ATXN10: variants seen among roughly 807,000 people sequenced by gnomAD.
The protein encoded by ATXN10 is ataxin-10.
Under a neutral mutation model 52.9 loss-of-function variants are expected in ATXN10, and 28 were observed. The observed-to-expected ratio is 0.53, with a 90% CI of 0.39 to 0.73. The LOEUF (loss-of-function observed/expected upper bound fraction) is 0.73. ATXN10 is among the 30% of genes least tolerant of loss of function. ATXN10 has a pLI of 0.00. For synonymous variants in ATXN10, 226 were observed against 221.5 expected (o/e 1.02, Z -0.18); for missense variants, 565 against 577.0 (o/e 0.98, Z 0.21).
In ATXN10 at chr22:45,762,805, C is replaced by A. The variant is rs1926445075; in HGVS notation, c.1173+22267C>A. ...AGCCCCCACTGACAGATGCCTTCCC[C>A]CTGTGTTTTGGCTCCAAATTCCAAG... On this transcript the variant is annotated intron_variant, in intron 9 of 11. Coordinates refer to ENST00000252934, the MANE Select transcript of ATXN10 (RefSeq NM_013236.4). The surrounding 1 kb of genome is among the most constrained non-coding windows in gnomAD (Gnocchi z 4.3). Among the ~76,000 whole-genome samples, 1 of 152,184 alleles carries A rather than the reference C, an allele frequency of 6.6e-6. No homozygotes were observed. The highest frequency in any genetic ancestry group is 6.5e-5 in the Admixed American group (1 of 15,280).
In ATXN10 at chr22:45,823,826, G is replaced by T. The variant is rs986635421; in HGVS notation, c.1237+16804G>T. On this transcript the variant is annotated intron_variant, in intron 10 of 11. Coordinates refer to ENST00000252934, the MANE Select transcript of ATXN10 (RefSeq NM_013236.4). This position sits in a 1 kb window ranked among gnomAD's most constrained non-coding sequence, Gnocchi z 4.9. Reference sequence around the variant, plus strand: ...GTTGATCAAAAAAGAGACACTGTGTGCTCCCATGAAGGTTTCAGTATGGTA... The same window carrying T: ...GTTGATCAAAAAAGAGACACTGTGTTCTCCCATGAAGGTTTCAGTATGGTA... Among the ~76,000 whole-genome samples the T allele has an allele frequency of 6.6e-6, 1 of 152,156 alleles. No individual in the cohort carries two copies. The highest frequency in any genetic ancestry group is 2.4e-5 in the African/African-American group (1 of 41,444).
At chr22:45,830,365 T>G (rs1928948071) in intron 10 of ATXN10, among the ~76,000 whole-genome samples, 1 of 152,210 alleles carries the variant, frequency 6.6e-6, no homozygotes, top group South Asian at 2.1e-4. Context: ...ATGAAAATTT[T>G]AAAATATTTT....
intron 7 of ATXN10, among the ~76,000 whole-genome samples, chr22:45,736,559 C>T (rs531414841): frequency 1.3e-5 from 2 of 152,074 alleles, no homozygotes; most frequent in African/African-American, 4.8e-5. Context: ...CCCCTTTCCT[C>T]TTCTTTTTTT....
Position 45,795,369 on chromosome 22 carries a change from T to G in ATXN10, c.1174-11590T>G, listed in dbSNP as rs904547895. On this transcript the variant is annotated intron_variant, in intron 9 of 11. Transcript: ENST00000252934. This position sits in a 1 kb window ranked among gnomAD's most constrained non-coding sequence, Gnocchi z 4.6. ...TACTAGAATGGATTCTATTCTATTC[T>G]ATTCTATTCTATTCTATTCTATTCT... Among the ~76,000 whole-genome samples, 48 of 138,116 alleles carry G rather than the reference T, an allele frequency of 3.5e-4. No individual in the cohort carries two copies. Among genetic ancestry groups the G allele is most frequent in the Non-Finnish European group, 3.9e-4 (25 of 63,706 alleles). The allele number at this position is 138,116 out of a possible 152,430, so 90.6% of individuals were successfully genotyped here. A position where few individuals can be genotyped will look rare whatever the true frequency, so the allele number is the denominator to read the frequency against.
chr22:45,767,729 A>C (rs1926636749), intron 9 of ATXN10, among the ~76,000 whole-genome samples: 1 of 152,210 alleles, frequency 6.6e-6, no homozygotes, highest in Non-Finnish European at 1.5e-5. Flanking sequence ...AAAAGGAAGG[A>C]AGGAATCTAT....
chr22:45,755,434 G>C (rs1468726189), intron 9 of ATXN10, among the ~76,000 whole-genome samples: 2 of 152,178 alleles, frequency 1.3e-5, no homozygotes, highest in African/African-American at 2.4e-5. Flanking sequence ...GGAGGAGCAA[G>C]AAGAGGTGTG....
At chr22:45,779,550 C>T (rs1333151440) in intron 9 of ATXN10, among the ~76,000 whole-genome samples, 2 of 152,200 alleles carry the variant, frequency 1.3e-5, no homozygotes, top group Non-Finnish European at 2.9e-5. Context: ...TTGCAGTACG[C>T]AACCACTGGT....
rs532278202 is a variant in ATXN10 at position 45,815,334 on chromosome 22, G to T, written c.1237+8312G>T. 2.0e-5 allele frequency among the ~76,000 whole-genome samples: 3 copies of T among 152,306 alleles called. No homozygotes were observed. The South Asian group carries it at 6.2e-4, about 32-fold the overall frequency. On this transcript the variant is annotated intron_variant, in intron 10 of 11. Coordinates refer to ENST00000252934, the MANE Select transcript of ATXN10 (RefSeq NM_013236.4). ...AGAATAATAGTTACGTGGGGTAGAA[G>T]GGTAGGGATTGGCAGGGGAGGAGGA...
chr22:45,757,223 C>G lies in ATXN10; in HGVS notation c.1173+16685C>G, dbSNP rs1288687861. ...TCCGACTGGCGGCCTTGGAGCAGTTCGAAGAGAGGGCGTGTCCTTTGCCTG... is the reference window on the plus strand; with the variant it reads ...TCCGACTGGCGGCCTTGGAGCAGTTGGAAGAGAGGGCGTGTCCTTTGCCTG... On this transcript the variant is annotated intron_variant, in intron 9 of 11. Coordinates refer to ENST00000252934, the MANE Select transcript of ATXN10 (RefSeq NM_013236.4). The surrounding 1 kb of genome is among the most constrained non-coding windows in gnomAD (Gnocchi z 4.6). Among the ~76,000 whole-genome samples the G allele has an allele frequency of 6.6e-6, 1 of 152,098 alleles. No homozygotes were observed. The highest frequency in any genetic ancestry group is 6.5e-5 in the Admixed American group (1 of 15,272).
At chr22:45,726,979 C>G (rs970412727) in intron 6 of ATXN10, among the ~76,000 whole-genome samples, 4 of 152,136 alleles carry the variant, frequency 2.6e-5, no homozygotes, top group Non-Finnish European at 5.9e-5. Flanking sequence ...CCACACCTGG[C>G]CTAGTTGGTT....
intron 7 of ATXN10, chr22:45,738,432 T>C (rs1386260684): frequency 3.0e-6 from 1 of 333,122 alleles, no homozygotes; most frequent in East Asian, 6.4e-5. Context: ...TTTATTCCAC[T>C]GTTGGAATGT....
rs764223562 is a variant in ATXN10, at chr22:45,718,453, T to G, written c.688T>G (p.Leu230Val). ...ITDLFLKSPELVQAMFPKLNN... is the reference protein window; with the variant it reads ...ITDLFLKSPEVVQAMFPKLNN... ...AGACCTCTTTCTGAAAAGCCCGGAA[T>G]TGGTACAAGCCATGTTTCCCAAACT... Residue 230 changes from leucine to valine, a missense_variant, in exon 6 of 12, where the codon TTG (leucine) becomes GTG (valine). Transcript: ENST00000252934. This position sits in a 1 kb window ranked among gnomAD's most constrained non-coding sequence, Gnocchi z 4.4. 6.2e-7 allele frequency: 1 copy of G among 1,613,780 alleles called. No individual in the cohort carries two copies. The highest frequency in any genetic ancestry group is 8.5e-7 in the Non-Finnish European group (1 of 1,179,748).
In ATXN10 at chr22:45,805,951, C is replaced by T. The variant is rs1198167414; in HGVS notation, c.1174-1008C>T. On this transcript the variant is annotated intron_variant, in intron 9 of 11. Coordinates refer to ENST00000252934, the MANE Select transcript of ATXN10 (RefSeq NM_013236.4). This position sits in a 1 kb window ranked among gnomAD's most constrained non-coding sequence, Gnocchi z 4.4. ...ACCAAGGCAGGAGGATCACTTGAGG[C>T]TGGGAGTTTGAGACCAGCCTGGGCA... 1.3e-5 allele frequency among the ~76,000 whole-genome samples: 2 copies of T among 152,172 alleles called. No individual in the cohort carries two copies. The highest frequency in any genetic ancestry group is 2.9e-5 in the Non-Finnish European group (2 of 68,024).
chr22:45,831,407 G>A (rs757310441), intron 10 of ATXN10, among the ~76,000 whole-genome samples: 3 of 151,998 alleles, frequency 2.0e-5, no homozygotes, highest in African/African-American at 4.8e-5. Flanking sequence ...ATAAATGTAG[G>A]CAGCAACTGT....
intron 9 of ATXN10, among the ~76,000 whole-genome samples, chr22:45,796,990 G>T (rs780798769): frequency 1.2e-4 from 18 of 152,140 alleles, no homozygotes; most frequent in Non-Finnish European, 1.8e-4. Flanking sequence ...ATGTAAAAGA[G>T]TGATATTTCA....
intron 5 of ATXN10, among the ~76,000 whole-genome samples, chr22:45,704,561 C>G (rs1045244831): frequency 6.6e-6 from 1 of 152,084 alleles, no homozygotes; most frequent in Non-Finnish European, 1.5e-5. Context: ...GGAAGTCTTT[C>G]ATTTTTGGAT....
rs749448241 is a variant in ATXN10 at position 45,815,242 on chromosome 22, AT to A, written c.1237+8221del. 7.2e-5 allele frequency among the ~76,000 whole-genome samples: 11 copies of A among 152,324 alleles called. No individual in the cohort carries two copies. In the South Asian group the frequency reaches 1.9e-3, roughly 26 times the overall value. ...GAAAGAAGCCAGATTCAAAAAGACC[AT>A]GTACTGTACAGTTCATCTACCTGAA... On this transcript the variant is annotated intron_variant, in intron 10 of 11. Coordinates refer to ENST00000252934, the MANE Select transcript of ATXN10 (RefSeq NM_013236.4).
chr22:45,809,313 C>A (rs980200375), intron 10 of ATXN10, among the ~76,000 whole-genome samples: 1 of 152,304 alleles, frequency 6.6e-6, no homozygotes, highest in South Asian at 2.1e-4. Flanking sequence ...CTCTTTCCCC[C>A]CCTTTCTTGT....
At chr22:45,751,757 AAAAAAAAATAAT>A (rs1569049612) in intron 9 of ATXN10, among the ~76,000 whole-genome samples, 1,829 of 63,846 alleles carry the variant, frequency 0.029, 31 homozygotes, top group African/African-American at 0.086. Context: ...AAAAAAAATA[AAAAAAAAATAAT>A]AATAATAATA....
Sources: gnomAD v4.1 joint callset for allele counts (sites outside exome capture counted in the v4.1 genomes callset) on GRCh38, gnomAD v4.1.1 for gene constraint, Gnocchi (gnomAD v3.1) non-coding constraint, MANE v1.5 for transcripts, NCBI Gene and HGNC (gene_info 2026-07-23, HGNC 2026-07-21) for gene names.